The following MCTP1 variants were observed in gnomAD, a reference collection of about 807,000 sequenced individuals.
The protein encoded by MCTP1 is multiple C2 and transmembrane domain-containing protein 1.
A neutral mutation model predicts 120.6 loss-of-function variants in MCTP1; 69 were observed. The observed-to-expected ratio is 0.57, with a 90% CI of 0.47 to 0.70. MCTP1 has a LOEUF of 0.70. Among genes scored for constraint, MCTP1 ranks in the 30% least tolerant of loss-of-function variants. The pLI is 0.00. For missense variants in MCTP1, 1,203 were observed against 1,248.8 expected (o/e 0.96, Z 0.55); for synonymous variants, 529 against 493.1 (o/e 1.07, Z -0.96).
At chr5:95,012,424 C>T (rs1836192319) in intron 2 of MCTP1, among the ~76,000 whole-genome samples, 1 of 151,910 alleles carries the variant, frequency 6.6e-6, no homozygotes, top group Non-Finnish European at 1.5e-5. Flanking sequence ...TATACGCATA[C>T]CTCATTTCAT....
At chr5:95,126,736 G>C (rs1394087918) in intron 1 of MCTP1, among the ~76,000 whole-genome samples, 11 of 152,096 alleles carry the variant, frequency 7.2e-5, no homozygotes, top group Non-Finnish European at 1.5e-5. Context: ...GGAAGTGACT[G>C]TTCAAACTTT....
chr5:95,209,263 G>A (rs1212968181), intron 1 of MCTP1, among the ~76,000 whole-genome samples: 1 of 152,014 alleles, frequency 6.6e-6, no homozygotes, highest in African/African-American at 2.4e-5. Flanking sequence ...CTCTTCCCTG[G>A]CCAATCAGCC....
chr5:94,957,833 A>G (rs1228149378), intron 2 of MCTP1, among the ~76,000 whole-genome samples: 1 of 152,194 alleles, frequency 6.6e-6, no homozygotes, highest in Non-Finnish European at 1.5e-5. Context: ...AGACTTTAAC[A>G]CCCCACTGTC....
chr5:95,062,774 G>C (rs925633294), intron 1 of MCTP1, among the ~76,000 whole-genome samples: 7 of 151,652 alleles, frequency 4.6e-5, no homozygotes, highest in African/African-American at 1.7e-4. Context: ...TATGATTGCT[G>C]GGTCCAGGAA....
At chr5:94,872,218 CT>C (rs1176228956) in intron 13 of MCTP1, among the ~76,000 whole-genome samples, 5 of 152,040 alleles carry the variant, frequency 3.3e-5, no homozygotes, top group Non-Finnish European at 7.4e-5. Context: ...TGAGGAGAGG[CT>C]TTATCAGGGC....
intron 1 of MCTP1, among the ~76,000 whole-genome samples, chr5:95,052,102 G>A (rs1218884404): frequency 6.6e-6 from 1 of 152,168 alleles, no homozygotes; most frequent in Non-Finnish European, 1.5e-5. Context: ...GCAATTGCTT[G>A]TAATATTAAG....
At chr5:94,878,753 T>A (rs927051951) in intron 12 of MCTP1, among the ~76,000 whole-genome samples, 1 of 152,052 alleles carries the variant, frequency 6.6e-6, no homozygotes, top group Non-Finnish European at 1.5e-5. Context: ...AATTTACTTA[T>A]AGTGGGAATG....
At chr5:95,042,452 C>A (rs879430264) in intron 1 of MCTP1, among the ~76,000 whole-genome samples, 10 of 152,236 alleles carry the variant, frequency 6.6e-5, no homozygotes, top group Admixed American at 1.3e-4. Flanking sequence ...AGCAAAACAA[C>A]GGCGTTAACA....
chr5:94,990,814 G>T (rs914289769), intron 2 of MCTP1, among the ~76,000 whole-genome samples: 5 of 152,044 alleles, frequency 3.3e-5, no homozygotes, highest in African/African-American at 1.2e-4. Context: ...CAATTTTCCA[G>T]ACCTCAAAAC....
intron 1 of MCTP1, among the ~76,000 whole-genome samples, chr5:95,174,122 A>C (rs1747688246): frequency 6.6e-6 from 1 of 152,000 alleles, no homozygotes; most frequent in African/African-American, 2.4e-5. Flanking sequence ...ACAGAATTAC[A>C]ATGCCTTGCT....
chr5:94,764,122 A>G (rs1185582857), intron 19 of MCTP1, among the ~76,000 whole-genome samples: 1 of 152,198 alleles, frequency 6.6e-6, no homozygotes, highest in Non-Finnish European at 1.5e-5. Flanking sequence ...GCAGAAGGAA[A>G]AGAGATATGG....
rs139915504 is a variant in MCTP1, at chr5:95,219,708, T to C, written c.720+64148A>G. ...AATGTAAACATAATCTTCAGTGTCC[T>C]GGTGAGCAACTTAAATGCAAATGCA... is the stretch of plus-strand genomic sequence containing the variant. On this transcript the variant is annotated intron_variant, in intron 1 of 22. Coordinates refer to ENST00000515393, the MANE Select transcript of MCTP1 (RefSeq NM_024717.7). Among the ~76,000 whole-genome samples, 1,112 of 152,320 alleles carry C rather than the reference T, an allele frequency of 7.3e-3. 12 individuals carry two copies. Among genetic ancestry groups the C allele is most frequent in the South Asian group, 0.03 (147 of 4,826 alleles).
chr5:95,259,015 C>T (rs1758189227), intron 1 of MCTP1, among the ~76,000 whole-genome samples: 1 of 152,142 alleles, frequency 6.6e-6, no homozygotes, highest in South Asian at 2.1e-4. Context: ...TCATGTTCTC[C>T]TCCATTTTTG....
chr5:95,273,394 G>T (rs1759563472), intron 1 of MCTP1, among the ~76,000 whole-genome samples: 1 of 152,118 alleles, frequency 6.6e-6, no homozygotes, highest in South Asian at 2.1e-4. Context: ...TAACATGTTT[G>T]CAGCACACTA....
At chr5:94,869,330 G>A (rs553424821) in intron 16 of MCTP1, among the ~76,000 whole-genome samples, 1 of 151,942 alleles carries the variant, frequency 6.6e-6, no homozygotes, top group South Asian at 2.1e-4. Context: ...GTTTACTGAG[G>A]TCATATGGAA....
chr5:94,991,997 C>A (rs913279932), intron 2 of MCTP1, among the ~76,000 whole-genome samples: 2 of 152,164 alleles, frequency 1.3e-5, no homozygotes, highest in African/African-American at 2.4e-5. Context: ...TACTATTTTT[C>A]CCATGTGAGG....
Position 95,127,158 on chromosome 5 carries a change from T to C in MCTP1, c.721-109674A>G, listed in dbSNP as rs567273169. On this transcript the variant is annotated intron_variant, in intron 1 of 22. Transcript: ENST00000515393. ...ATACTAATGCCATTTGGATGACAAATAAAATATTCTTGAAGGGTCCGTGAC... is the reference window on the plus strand; with the variant it reads ...ATACTAATGCCATTTGGATGACAAACAAAATATTCTTGAAGGGTCCGTGAC... Among the ~76,000 whole-genome samples, 361 of 151,868 alleles carry C rather than the reference T, an allele frequency of 2.4e-3. 2 individuals are homozygous for C. The highest frequency in any genetic ancestry group is 8.4e-3 in the African/African-American group (346 of 41,402).
intron 1 of MCTP1, among the ~76,000 whole-genome samples, chr5:95,262,177 C>T (rs1040513306): frequency 6.6e-6 from 1 of 152,180 alleles, no homozygotes; most frequent in Non-Finnish European, 1.5e-5. Flanking sequence ...TAACTCTTTG[C>T]CTGTTCATTT....
intron 1 of MCTP1, among the ~76,000 whole-genome samples, chr5:95,232,021 A>C (rs1271821226): frequency 6.6e-6 from 1 of 152,104 alleles, no homozygotes; most frequent in Non-Finnish European, 1.5e-5. Flanking sequence ...TAGGAGTTTT[A>C]GTAGCATCCC....
Sources: gnomAD v4.1 joint callset for allele counts (sites outside exome capture counted in the v4.1 genomes callset) on GRCh38, gnomAD v4.1.1 for gene constraint, MANE v1.5 for transcripts, NCBI Gene and HGNC (gene_info 2026-07-23, HGNC 2026-07-21) for gene names.